BCL7C: variants seen among roughly 807,000 people sequenced by gnomAD.
BCL7C encodes the protein BAF chromatin remodeling complex subunit BCL7C, also known as B-cell CLL/lymphoma 7 protein family member C.
In BCL7C, 8 loss-of-function variants were observed where a neutral mutation model predicts 26.2. The ratio of observed to expected loss-of-function variants is 0.30; its 90% CI spans 0.18 to 0.55. The LOEUF (loss-of-function observed/expected upper bound fraction) is 0.55, where lower values mean the gene tolerates loss of function less well. Among genes scored for constraint, BCL7C ranks in the 20% least tolerant of loss-of-function variants. The pLI, the probability that BCL7C is intolerant of heterozygous loss-of-function variation, is 0.93. For synonymous variants in BCL7C, 90 were observed against 116.5 expected, an observed-to-expected ratio of 0.77 and a Z score of 1.47; for missense variants, 262 against 298.5, an observed-to-expected ratio of 0.88 and a Z score of 0.90.
exon 6 of BCL7C, chr16:30,833,659 G>A (rs971471133): frequency 1.3e-5 from 2 of 152,156 alleles, no homozygotes; most frequent in African/African-American, 2.4e-5. Context: ...ACATCACCCT[G>A]GTGACGACTG....
At chr16:30,881,474 AG>A (rs2055043112) in intron 5 of BCL7C, among the ~76,000 whole-genome samples, 1 of 152,074 alleles carries the variant, frequency 6.6e-6, no homozygotes, top group Admixed American at 6.6e-5. Flanking sequence ...TTTTCTGCTC[AG>A]AACACTCCAC....
At chr16:30,844,304 G>A (rs1418060475) in intron 5 of BCL7C, among the ~76,000 whole-genome samples, 1 of 127,902 alleles carries the variant, frequency 7.8e-6, no homozygotes, top group African/African-American at 3.0e-5. Context: ...GAGCCCAGAT[G>A]GCACCAATGC....
intron 5 of BCL7C, among the ~76,000 whole-genome samples, chr16:30,837,016 G>C (rs900697888): frequency 1.3e-5 from 2 of 151,118 alleles, no homozygotes; most frequent in African/African-American, 4.9e-5. Flanking sequence ...GGCTGGTCTT[G>C]AACTCCTGAC....
intron 5 of BCL7C, among the ~76,000 whole-genome samples, chr16:30,836,614 T>TA (rs1450369503): frequency 2.6e-5 from 4 of 151,390 alleles, no homozygotes; most frequent in Admixed American, 2.6e-4. Context: ...AGCTGGGACT[T>TA]ACAGGTGCAT....
intron 5 of BCL7C, among the ~76,000 whole-genome samples, chr16:30,856,259 G>A (rs1045478606): frequency 7.9e-5 from 12 of 151,408 alleles, no homozygotes; most frequent in African/African-American, 2.9e-4. Context: ...GGCTAACACA[G>A]TGAAACCCCG....
chr16:30,888,014 G>A (rs767031182), intron 5 of BCL7C, 24 bp from the exon 6 acceptor site: 25 of 1,594,776 alleles, frequency 1.6e-5, no homozygotes, highest in African/African-American at 4.1e-5. Context: ...GTGGACAGGC[G>A]TGAGCTCCAC....
chr16:30,877,172 C>T (rs2054962521), intron 5 of BCL7C, among the ~76,000 whole-genome samples: 1 of 152,130 alleles, frequency 6.6e-6, no homozygotes, highest in Non-Finnish European at 1.5e-5. Context: ...GTTCTGCACC[C>T]CCTACCCCCC....
In BCL7C at chr16:30,834,152, G is replaced by A. The variant is rs2054555930; in HGVS notation, c.*796C>T. The A allele has an allele frequency of 1.3e-5, 2 of 152,266 alleles. No homozygotes were observed. The highest frequency in any genetic ancestry group is 4.8e-5 in the African/African-American group (2 of 41,448). The allele number at this position is 152,266 out of a possible 1,614,324, so 9.4% of individuals were successfully genotyped here. A position where few individuals can be genotyped will look rare whatever the true frequency, so the allele number is the denominator to read the frequency against. ...TGAAGGGCCTTGGAACCACCCAAAA[G>A]GCTCACTCGCGCTGCTTCTCGGGCT... is the stretch of plus-strand genomic sequence containing the variant. On this transcript the variant is annotated 3_prime_UTR_variant, in exon 6 of 6. Transcript: ENST00000380317. The surrounding 1 kb of genome is among the most constrained non-coding windows in gnomAD (Gnocchi z 4.3).
intron 5 of BCL7C, among the ~76,000 whole-genome samples, chr16:30,864,345 C>T (rs2054805115): frequency 6.6e-6 from 1 of 152,092 alleles, no homozygotes; most frequent in African/African-American, 2.4e-5. Context: ...TCCTTTAATA[C>T]CTATTTTTCT....
intron 5 of BCL7C, among the ~76,000 whole-genome samples, chr16:30,856,195 A>T (rs1596590425): frequency 6.6e-6 from 1 of 151,900 alleles, no homozygotes; most frequent in East Asian, 1.9e-4. Flanking sequence ...TAATCCCAGC[A>T]CTTTGGGAGG....
chr16:30,889,980 C>T (rs1233838705), intron 4 of BCL7C, among the ~76,000 whole-genome samples: 1 of 150,602 alleles, frequency 6.6e-6, no homozygotes, highest in African/African-American at 2.4e-5. Context: ...GTTGTTCTGG[C>T]AGCTGTGTGG....
chr16:30,851,740 A>G, intron 5 of BCL7C: 2 of 571,092 alleles, frequency 3.5e-6, no homozygotes, highest in South Asian at 2.0e-5. Flanking sequence ...ACCACCAAAC[A>G]GTGACCGTGA....
At chr16:30,874,178 T>C (rs1018223923) in intron 5 of BCL7C, among the ~76,000 whole-genome samples, 5 of 151,768 alleles carry the variant, frequency 3.3e-5, no homozygotes, top group African/African-American at 1.2e-4. Flanking sequence ...GTATTTTTAG[T>C]AGAGACAGGG....
chr16:30,835,011 A>T (rs1196030641), exon 6 of BCL7C: 6 of 1,548,356 alleles, frequency 3.9e-6, no homozygotes, highest in Middle Eastern at 1.9e-4. Context: ...CTCCCCCGGG[A>T]GCTCTGGTGT....
At chr16:30,868,822 A>C (rs945204161) in intron 5 of BCL7C, among the ~76,000 whole-genome samples, 11 of 152,094 alleles carry the variant, frequency 7.2e-5, no homozygotes, top group Non-Finnish European at 1.5e-4. Flanking sequence ...ACAAAGAAAA[A>C]GAACAGAACG....
In BCL7C at chr16:30,857,742, G is replaced by C. The variant is rs375078346; in HGVS notation, c.529-22594C>G. Among the ~76,000 whole-genome samples the C allele has an allele frequency of 3.2e-4, 49 of 152,126 alleles. 1 individual carries two copies. Among genetic ancestry groups the C allele is most frequent in the African/African-American group, 1.2e-3 (48 of 41,498 alleles). On this transcript the variant is annotated intron_variant, in intron 5 of 5. Transcript: ENST00000380317. ...TCCCAGCACTTTGGGAGGCCAAGGC[G>C]GGTGGATCACCTGAGGTCAGGAGTT...
At chr16:30,851,652 C>T (rs1447535222) in intron 5 of BCL7C, 4 of 622,118 alleles carry the variant, frequency 6.4e-6, no homozygotes, top group African/African-American at 3.7e-5. Flanking sequence ...TGCATCTCAT[C>T]GATTTGCTGA....
At chr16:30,866,532 G>C (rs546031279) in intron 5 of BCL7C, among the ~76,000 whole-genome samples, 2 of 150,000 alleles carry the variant, frequency 1.3e-5, no homozygotes, top group African/African-American at 4.9e-5. Context: ...AGCCAAGATC[G>C]GGCCACTGCA....
chr16:30,846,240 T>A (rs866241274), intron 5 of BCL7C, among the ~76,000 whole-genome samples: 132 of 79,072 alleles, frequency 1.7e-3, no homozygotes, highest in African/African-American at 6.8e-3. Context: ...TTATTTATTT[T>A]TTGGAGATGG....
Sources: gnomAD v4.1 joint callset for allele counts (sites outside exome capture counted in the v4.1 genomes callset) on GRCh38, gnomAD v4.1.1 for gene constraint, Gnocchi (gnomAD v3.1) non-coding constraint, MANE v1.5 for transcripts, NCBI Gene and HGNC (gene_info 2026-07-23, HGNC 2026-07-21) for gene names.